Variants in ITSN1 observed in about 807,000 individuals in gnomAD.
ITSN1 encodes intersectin-1.
ITSN1 carries 58 observed loss-of-function variants against 239.8 expected under a neutral mutation model. The observed-to-expected ratio is 0.24, with a 90% CI of 0.20 to 0.30. The LOEUF (loss-of-function observed/expected upper bound fraction) is 0.30, where lower values mean the gene tolerates loss of function less well. Ranked by LOEUF, ITSN1 falls within the 10% of genes least tolerant of loss-of-function variation. The pLI is 1.00. For synonymous variants in ITSN1, 780 were observed against 770.8 expected (o/e 1.01, Z -0.20); for missense variants, 1,558 against 2,103.3 (o/e 0.74, Z 5.07).
chr21:33,727,800 C>T (rs1369006245), intron 4 of ITSN1, among the ~76,000 whole-genome samples: 1 of 151,844 alleles, frequency 6.6e-6, no homozygotes, highest in African/African-American at 2.4e-5. Context: ...ATACCCAGTC[C>T]ATCAACGTAA....
In ITSN1 at chr21:33,775,023, C is replaced by T. The variant is rs1424144806; in HGVS notation, c.1511C>T (p.Thr504Ile). 3 of 1,613,688 alleles carry T rather than the reference C, an allele frequency of 1.9e-6. No homozygotes were observed. Among genetic ancestry groups the T allele is most frequent in the Non-Finnish European group, 2.5e-6 (3 of 1,179,758 alleles). ...CTTCAAGATATCAGATGTCGATTGA[C>T]CACCCAAAGGCAAGAAATTGAGAGC... ...GKLQDIRCRL[T>I]TQRQEIESTN... The change falls in exon 14 of 40, where the codon ACC becomes ATC. Residue 504 changes from threonine (T) to isoleucine (I), a missense_variant. Thr to Ile is a moderately conservative substitution (Grantham distance 89). Around this residue, in one of 2 missense-constraint regions of ITSN1, gnomAD observed 982 missense variants for 1,209.9 expected, o/e 0.81. Coordinates refer to ENST00000381318, the MANE Select transcript of ITSN1 (RefSeq NM_003024.3).
Position 33,874,242 on chromosome 21 carries a change from G to T in ITSN1, c.4174-1112G>T, listed in dbSNP as rs142140580. Among the ~76,000 whole-genome samples, 141 of 151,430 alleles carry T rather than the reference G, an allele frequency of 9.3e-4. 3 individuals are homozygous for T. In the East Asian group the frequency reaches 0.02, roughly 21 times the overall value. On this transcript the variant is annotated intron_variant, in intron 33 of 39. Transcript: ENST00000381318. ...TGGTGGGGCAGGGATTTAAATTCAG[G>T]AGGTCCAGCTCCGGAGCTGGCATTC...
chr21:33,695,981 G>A (rs2091775444), intron 1 of ITSN1, among the ~76,000 whole-genome samples: 1 of 152,186 alleles, frequency 6.6e-6, no homozygotes, highest in Non-Finnish European at 1.5e-5. Context: ...CTTTCTGTTG[G>A]CTGCAGTCTA....
At chr21:33,734,895 C>T in intron 4 of ITSN1, 149 bp from the exon 5 acceptor site, 2 of 537,744 alleles carry the variant, frequency 3.7e-6, no homozygotes, top group Non-Finnish European at 6.2e-6. Context: ...CAGGCTATTC[C>T]CCATAGTTTG....
chr21:33,645,475 T>TA (rs200134592), intron 1 of ITSN1, among the ~76,000 whole-genome samples: 4 of 150,064 alleles, frequency 2.7e-5, no homozygotes, highest in Middle Eastern at 3.5e-3. Flanking sequence ...ACCTGGTCTC[T>TA]AAAAAAAAAT....
Position 33,796,829 on chromosome 21 carries a change from G to C in ITSN1, c.1953-550G>C, listed in dbSNP as rs1268460045. Among the ~76,000 whole-genome samples the C allele has an allele frequency of 5.3e-5, 8 of 152,206 alleles. No homozygotes were observed. The South Asian group carries it at 1.7e-3, about 31-fold the overall frequency. ...TATGGAATGAGAAAAATCATTCTCA[G>C]TCTTTTACTGTGGGTTTCAGGTTGA... On this transcript the variant is annotated intron_variant, in intron 17 of 39. Transcript: ENST00000381318.
At position 33,708,477 on chromosome 21, in the gene ITSN1, T is replaced by G. The variant is rs2092317937; in HGVS notation, c.-32-10320T>G. On this transcript the variant is annotated intron_variant, in intron 1 of 39. Transcript: ENST00000381318. ...GATCTCGGCTCACAGCAACTTCGCCTCCCAGGTTCAGGCCATTCTCCTGCC... is the reference window on the plus strand; with the variant it reads ...GATCTCGGCTCACAGCAACTTCGCCGCCCAGGTTCAGGCCATTCTCCTGCC... Among the ~76,000 whole-genome samples the G allele has an allele frequency of 2.0e-5, 3 of 152,208 alleles. No individual in the cohort carries two copies. The South Asian group carries it at 6.2e-4, about 32-fold the overall frequency.
intron 10 of ITSN1, 111 bp downstream of exon 10, chr21:33,766,123 G>A: frequency 8.6e-7 from 1 of 1,166,804 alleles, no homozygotes; most frequent in South Asian, 1.4e-5. Flanking sequence ...AGGAAACTAA[G>A]TATCCGTGAA....
At chr21:33,859,646 G>A (rs992169895) in intron 31 of ITSN1, among the ~76,000 whole-genome samples, 1 of 152,166 alleles carries the variant, frequency 6.6e-6, no homozygotes, top group Non-Finnish European at 1.5e-5. Context: ...CGTGTCATTG[G>A]GAAGTCCCCA....
chr21:33,843,546 A>G (rs2074896865), intron 29 of ITSN1, among the ~76,000 whole-genome samples: 2 of 152,236 alleles, frequency 1.3e-5, no homozygotes. Context: ...TGGCCTCCAG[A>G]AAAACATGGT....
chr21:33,834,215 T>C, intron 27 of ITSN1, 92 bp from the exon 28 acceptor site: 1 of 871,182 alleles, frequency 1.1e-6, no homozygotes, highest in Non-Finnish European at 1.9e-6. Context: ...TTCAGTTATA[T>C]GTAAGCTTTA....
chr21:33,826,711 A>G, intron 25 of ITSN1, 107 bp from the exon 26 acceptor site: 1 of 929,240 alleles, frequency 1.1e-6, no homozygotes, highest in Non-Finnish European at 1.8e-6. Context: ...CCCAGAATGA[A>G]AAGTGGGGCT....
chr21:33,883,710 C>T (rs1471621113), intron 36 of ITSN1, 39 bp downstream of exon 36: 17 of 1,606,330 alleles, frequency 1.1e-5, no homozygotes, highest in Non-Finnish European at 1.3e-5. Flanking sequence ...CCCCAGGGCT[C>T]CACGGCTCTA....
chr21:33,728,721 A>G (rs1169917022), intron 4 of ITSN1, among the ~76,000 whole-genome samples: 2 of 151,698 alleles, frequency 1.3e-5, no homozygotes, highest in Non-Finnish European at 2.9e-5. Flanking sequence ...CCCTCTGCCC[A>G]CCTCTTTCCC....
chr21:33,738,941 T>C (rs951273842), intron 5 of ITSN1, among the ~76,000 whole-genome samples: 1 of 152,134 alleles, frequency 6.6e-6, no homozygotes, highest in African/African-American at 2.4e-5. Context: ...ACTACAGGCA[T>C]GTACCACCAC....
At chr21:33,828,501 A>T in intron 26 of ITSN1, among the ~76,000 whole-genome samples, 1 of 152,260 alleles carries the variant, frequency 6.6e-6, no homozygotes, top group East Asian at 1.9e-4. Context: ...GAACAGAATG[A>T]GAGCGGCTTG....
intron 2 of ITSN1, among the ~76,000 whole-genome samples, chr21:33,719,934 C>T (rs944957630): frequency 2.0e-5 from 3 of 152,218 alleles, no homozygotes; most frequent in East Asian, 1.9e-4. Context: ...TTCATATTAA[C>T]GGATTACTCT....
Position 33,738,822 on chromosome 21 carries a change from TCTCA to T in ITSN1, c.346+3622_346+3625del, listed in dbSNP as rs571621822. ...ATGGGTTTTTTGTTTTGAGACAGGG[TCTCA>T]CTCTGTTGCCCAGACTAGAGTGCAA... is the stretch of plus-strand genomic sequence containing the variant. On this transcript the variant is annotated intron_variant, in intron 5 of 39. Transcript: ENST00000381318. Among the ~76,000 whole-genome samples, 121 of 152,244 alleles carry T rather than the reference TCTCA, an allele frequency of 7.9e-4. 1 individual carries two copies. Among genetic ancestry groups the T allele is most frequent in the South Asian group, 3.5e-3 (17 of 4,822 alleles).
At chr21:33,879,012 C>A (rs1254159018) in intron 34 of ITSN1, among the ~76,000 whole-genome samples, 4 of 152,108 alleles carry the variant, frequency 2.6e-5, no homozygotes, top group Non-Finnish European at 4.4e-5. Flanking sequence ...GGGGGACTCT[C>A]GGGCCCTGGA....
Sources: gnomAD v4.1 joint callset for allele counts (sites outside exome capture counted in the v4.1 genomes callset) on GRCh38, gnomAD v4.1.1 for gene constraint, gnomAD v4.1.1 regional missense constraint, MANE v1.5 for transcripts, NCBI Gene and HGNC (gene_info 2026-07-23, HGNC 2026-07-21) for gene names.